Variants in PTPN13 observed in about 807,000 individuals in gnomAD.
PTPN13 encodes the protein tyrosine-protein phosphatase non-receptor type 13.
Under a neutral mutation model 284.0 loss-of-function variants are expected in PTPN13, and 191 were observed. The ratio of observed to expected loss-of-function variants is 0.67; its 90% CI spans 0.60 to 0.76. The LOEUF (loss-of-function observed/expected upper bound fraction) is 0.76. PTPN13 is among the 30% of genes least tolerant of loss of function. The pLI is 0.00. For missense variants in PTPN13, 2,797 were observed against 2,939.9 expected (o/e 0.95, Z 1.12); for synonymous variants, 986 against 1,022.3 (o/e 0.96, Z 0.68).
At chr4:86,776,000 C>T (rs1018346333) in intron 35 of PTPN13, among the ~76,000 whole-genome samples, 2 of 152,120 alleles carry the variant, frequency 1.3e-5, no homozygotes, top group South Asian at 2.1e-4. Flanking sequence ...GGCTGGAGTG[C>T]GGTGGTGCAA....
chr4:86,763,284 C>T (rs751860297), intron 24 of PTPN13, 94 bp downstream of exon 24: 26 of 1,067,128 alleles, frequency 2.4e-5, no homozygotes, highest in Non-Finnish European at 2.9e-5. Context: ...AAGATGCTTT[C>T]ATTATTCTGG....
chr4:86,644,582 T>G (rs923454823), intron 2 of PTPN13, among the ~76,000 whole-genome samples: 8 of 152,192 alleles, frequency 5.3e-5, no homozygotes, highest in African/African-American at 1.9e-4. Context: ...AAGAGAAGGA[T>G]GTACTTCCCA....
chr4:86,716,402 T>G (rs910091149), intron 7 of PTPN13, 128 bp from the exon 8 acceptor site: 1 of 618,040 alleles, frequency 1.6e-6, no homozygotes, highest in African/African-American at 1.9e-5. Flanking sequence ...TTGAATACAC[T>G]CCAGCAATTG....
At chr4:86,625,860 A>G (rs895208743) in intron 1 of PTPN13, among the ~76,000 whole-genome samples, 4 of 152,192 alleles carry the variant, frequency 2.6e-5, no homozygotes, top group African/African-American at 9.6e-5. Context: ...AAGGACAAAT[A>G]TGAATTTTTA....
At chr4:86,612,052 A>G (rs1719955968) in intron 1 of PTPN13, among the ~76,000 whole-genome samples, 2 of 152,216 alleles carry the variant, frequency 1.3e-5, no homozygotes, top group Admixed American at 1.3e-4. Flanking sequence ...AGTGAGGAAT[A>G]ATTAGCCCTA....
chr4:86,672,586 G>T (rs776323495), intron 3 of PTPN13, 43 bp downstream of exon 3: 90 of 1,476,902 alleles, frequency 6.1e-5, no homozygotes, highest in Non-Finnish European at 3.9e-5. Flanking sequence ...TTTGGGTGGG[G>T]ATAGGTCAAA....
At chr4:86,621,127 A>G (rs1721182370) in intron 1 of PTPN13, among the ~76,000 whole-genome samples, 1 of 151,878 alleles carries the variant, frequency 6.6e-6, no homozygotes, top group African/African-American at 2.4e-5. Flanking sequence ...AAGGCACACA[A>G]AGCCTGGGCT....
At position 86,734,577 on chromosome 4, in the gene PTPN13, A is replaced by G. The variant is rs917732263; in HGVS notation, c.2012+121A>G. The G allele has an allele frequency of 5.5e-6, 7 of 1,271,768 alleles. No homozygotes were observed. The African/African-American group carries it at 1.1e-4, about 19-fold the overall frequency. The allele number at this position is 1,271,768 out of a possible 1,614,324, so 78.8% of individuals were successfully genotyped here. A position where few individuals can be genotyped will look rare whatever the true frequency, so the allele number is the denominator to read the frequency against. ...TAATGTCTGCTTTATCATAAAAGTA[A>G]TATTTCTTTCAACACAGTTTATCTA... On this transcript the variant is annotated intron_variant, in intron 13 of 47. Transcript: ENST00000411767.
chr4:86,677,063 C>G (rs964107402), intron 3 of PTPN13, among the ~76,000 whole-genome samples: 1 of 151,902 alleles, frequency 6.6e-6, no homozygotes, highest in East Asian at 2.0e-4. Flanking sequence ...GTCAGGAGAT[C>G]GAGACCATCC....
chr4:86,610,571 G>C (rs1181071908), intron 1 of PTPN13, among the ~76,000 whole-genome samples: 1 of 152,240 alleles, frequency 6.6e-6, no homozygotes, highest in Non-Finnish European at 1.5e-5. Context: ...GCTCAGACTA[G>C]ATAAAGTGGG....
chr4:86,598,634 C>G (rs1764033380), intron 1 of PTPN13, among the ~76,000 whole-genome samples: 1 of 152,172 alleles, frequency 6.6e-6, no homozygotes, highest in Non-Finnish European at 1.5e-5. Flanking sequence ...CCCTCTTTAC[C>G]TACTAGCCAA....
chr4:86,680,459 T>C (rs1385500248), intron 3 of PTPN13, among the ~76,000 whole-genome samples: 1 of 152,108 alleles, frequency 6.6e-6, no homozygotes, highest in Non-Finnish European at 1.5e-5. Context: ...TGTACTTAAT[T>C]GCCTGAATTT....
At chr4:86,637,295 C>T (rs1455965717) in intron 2 of PTPN13, among the ~76,000 whole-genome samples, 3 of 151,784 alleles carry the variant, frequency 2.0e-5, no homozygotes, top group Non-Finnish European at 2.9e-5. Flanking sequence ...TTCCAATCAA[C>T]AGAAAAAGAG....
chr4:86,655,493 A>T (rs964061582), intron 2 of PTPN13, among the ~76,000 whole-genome samples: 2 of 152,038 alleles, frequency 1.3e-5, no homozygotes, highest in African/African-American at 4.8e-5. Flanking sequence ...TTTCTCCTTC[A>T]CTTATGAAGC....
chr4:86,774,623 A>T, intron 33 of PTPN13, 92 bp downstream of exon 33: 2 of 1,221,976 alleles, frequency 1.6e-6, no homozygotes, highest in Non-Finnish European at 2.2e-6. Flanking sequence ...TACTGTATTT[A>T]TCTATTCGGT....
Position 86,675,137 on chromosome 4 carries a change from A to G in PTPN13, c.294+2594A>G, listed in dbSNP as rs557216970. Reference sequence around the variant, plus strand: ...TTTAGGAATAACTGTTAGACCACATATTTGGGAAAATGACTAAAGCCACTC... The same window carrying G: ...TTTAGGAATAACTGTTAGACCACATGTTTGGGAAAATGACTAAAGCCACTC... On this transcript the variant is annotated intron_variant, in intron 3 of 47. Transcript: ENST00000411767. Among the ~76,000 whole-genome samples, 11 of 152,296 alleles carry G rather than the reference A, an allele frequency of 7.2e-5. No homozygotes were observed. The East Asian group carries it at 2.1e-3, about 29-fold the overall frequency.
In PTPN13 at chr4:86,780,779, T is replaced by C. The variant is rs116366715; in HGVS notation, c.5962+307T>C. ...CAAACAATGAAAAGCTACACAGCAA[T>C]AAAAAGGAATGGACTATTGATACAA... On this transcript the variant is annotated intron_variant, in intron 36 of 47. Transcript: ENST00000411767. Among the ~76,000 whole-genome samples the C allele has an allele frequency of 2.3e-3, 352 of 152,094 alleles. 1 individual carries two copies. The highest frequency in any genetic ancestry group is 3.9e-3 in the Non-Finnish European group (263 of 67,980).
rs762217031 is a variant in PTPN13, at chr4:86,809,758, T to C, written c.7084-11T>C. On this transcript the variant is annotated splice_polypyrimidine_tract_variant and intron_variant, in intron 45 of 47. Coordinates refer to ENST00000411767, the MANE Select transcript of PTPN13 (RefSeq NM_080683.3). Reference sequence around the variant, plus strand: ...ATGTCATGATCCACTTATTCTGTTATACAATTTCAGACCAGAGAGGTGCGC... The same window carrying C: ...ATGTCATGATCCACTTATTCTGTTACACAATTTCAGACCAGAGAGGTGCGC... 29 of 1,609,590 alleles carry C rather than the reference T, an allele frequency of 1.8e-5. No individual in the cohort carries two copies. In the South Asian group the frequency reaches 2.6e-4, roughly 15 times the overall value.
At chr4:86,633,481 T>A (rs1211733932) in intron 1 of PTPN13, among the ~76,000 whole-genome samples, 1 of 152,166 alleles carries the variant, frequency 6.6e-6, no homozygotes, top group Non-Finnish European at 1.5e-5. Context: ...TTTCACTGGC[T>A]TGAGGTGAAA....
Sources: gnomAD v4.1 joint callset for allele counts (sites outside exome capture counted in the v4.1 genomes callset) on GRCh38, gnomAD v4.1.1 for gene constraint, MANE v1.5 for transcripts, NCBI Gene and HGNC (gene_info 2026-07-23, HGNC 2026-07-21) for gene names.